Variants in APBB2 observed in about 807,000 individuals in gnomAD.
APBB2 encodes amyloid beta precursor protein binding family B member 2, also known as Fe65-like 1.
APBB2 carries 38 observed loss-of-function variants against 82.5 expected under a neutral mutation model. The ratio of observed to expected loss-of-function variants is 0.46; its 90% CI spans 0.36 to 0.60. The LOEUF (loss-of-function observed/expected upper bound fraction) is 0.60, where lower values mean the gene tolerates loss of function less well. APBB2 is among the 20% of genes least tolerant of loss of function. The probability of loss-of-function intolerance (pLI) is 0.00; values close to 1 mark genes in which losing one functional copy is unlikely to be tolerated. For missense variants in APBB2, 772 were observed against 972.3 expected, an observed-to-expected ratio of 0.79 and a Z score of 2.74; for synonymous variants, 341 against 368.2, an observed-to-expected ratio of 0.93 and a Z score of 0.85.
rs193018422 is a variant in APBB2 at position 41,030,086 on chromosome 4, G to A, written c.19+3150C>T. On this transcript the variant is annotated intron_variant, in intron 5 of 17. Coordinates refer to ENST00000508593, the MANE Select transcript of APBB2 (RefSeq NM_004307.2). Reference sequence around the variant, plus strand: ...CAGGAGAATCACTTGAACCCGGGGGGCGAAGGTTGCAGTGAGCTGAGGTCG... The same window carrying A: ...CAGGAGAATCACTTGAACCCGGGGGACGAAGGTTGCAGTGAGCTGAGGTCG... Among the ~76,000 whole-genome samples, 266 of 152,282 alleles carry A rather than the reference G, an allele frequency of 1.7e-3. 1 individual carries two copies. The highest frequency in any genetic ancestry group is 6.1e-3 in the African/African-American group (252 of 41,568).
chr4:40,974,547 A>G (rs1201388870), intron 6 of APBB2, among the ~76,000 whole-genome samples: 4 of 151,868 alleles, frequency 2.6e-5, no homozygotes, highest in Non-Finnish European at 4.4e-5. Context: ...ACAGAGACTA[A>G]AAGAACAGAA....
At chr4:41,137,150 C>G (rs73810836) in intron 2 of APBB2, among the ~76,000 whole-genome samples, 1 of 151,988 alleles carries the variant, frequency 6.6e-6, no homozygotes, top group African/African-American at 2.4e-5. Flanking sequence ...ACCAAACACA[C>G]GCAAGACATT....
At chr4:41,068,862 C>G (rs1220919971) in intron 3 of APBB2, among the ~76,000 whole-genome samples, 4 of 139,714 alleles carry the variant, frequency 2.9e-5, no homozygotes, top group Non-Finnish European at 1.5e-5. Context: ...GTGGCGTGAT[C>G]TCAGCTTACT....
At chr4:41,021,879 A>G (rs1421843297) in intron 5 of APBB2, among the ~76,000 whole-genome samples, 1 of 152,022 alleles carries the variant, frequency 6.6e-6, no homozygotes, top group Non-Finnish European at 1.5e-5. Context: ...AAAACCACGA[A>G]CCCACTGGCA....
chr4:40,854,809 A>G (rs1003115816), intron 12 of APBB2, among the ~76,000 whole-genome samples: 2 of 147,958 alleles, frequency 1.4e-5, no homozygotes, highest in Non-Finnish European at 1.5e-5. Flanking sequence ...AAAAAAAAAA[A>G]GAAGAAAGAA....
intron 13 of APBB2, among the ~76,000 whole-genome samples, chr4:40,829,040 G>T (rs530347842): frequency 2.0e-5 from 3 of 152,280 alleles, no homozygotes; most frequent in Non-Finnish European, 2.9e-5. Context: ...TCAACAGAGG[G>T]GATGGCAAAA....
intron 1 of APBB2, among the ~76,000 whole-genome samples, chr4:41,164,742 C>A (rs1411878223): frequency 6.6e-6 from 1 of 152,306 alleles, no homozygotes; most frequent in East Asian, 1.9e-4. Context: ...ATCACACTAG[C>A]TTTAACATAC....
chr4:40,889,057 AG>A (rs1428403458), intron 12 of APBB2, among the ~76,000 whole-genome samples: 4 of 152,250 alleles, frequency 2.6e-5, no homozygotes. Flanking sequence ...AGGGAATGAC[AG>A]GTGTGCGCAC....
Position 41,127,494 on chromosome 4 carries a change from C to T in APBB2, c.-261+15493G>A, listed in dbSNP as rs1754727956. On this transcript the variant is annotated intron_variant, in intron 2 of 17. Transcript: ENST00000508593. This position sits in a 1 kb window ranked among gnomAD's most constrained non-coding sequence, Gnocchi z 4.8. ...CCTACTGCTGTGTTAATCTAGACTA[C>T]CTGCTTCCAACATCAAACTGGGTTC... 6.6e-6 allele frequency among the ~76,000 whole-genome samples: 1 copy of T among 152,196 alleles called. No homozygotes were observed. Among genetic ancestry groups the T allele is most frequent in the South Asian group, 2.1e-4 (1 of 4,830 alleles).
At chr4:41,049,220 C>T (rs1290584679) in intron 4 of APBB2, among the ~76,000 whole-genome samples, 2 of 145,082 alleles carry the variant, frequency 1.4e-5, no homozygotes, top group Non-Finnish European at 1.5e-5. Context: ...ATGTGAGGAG[C>T]GCCTCTGCCC....
At chr4:41,065,873 G>C (rs1731604887) in intron 3 of APBB2, among the ~76,000 whole-genome samples, 200 bp from the exon 4 acceptor site, 2 of 151,918 alleles carry the variant, frequency 1.3e-5, no homozygotes, top group Non-Finnish European at 1.5e-5. Flanking sequence ...CTGATGATTA[G>C]CATGCAGGCC....
chr4:41,030,453 C>G (rs905859751), intron 5 of APBB2, among the ~76,000 whole-genome samples: 3 of 152,130 alleles, frequency 2.0e-5, no homozygotes, highest in Admixed American at 1.3e-4. Flanking sequence ...AGTGCATTCA[C>G]AGGCACAGTC....
Position 40,815,906 on chromosome 4 carries a change from T to G in APBB2, c.*186A>C, listed in dbSNP as rs1158474369. On this transcript the variant is annotated 3_prime_UTR_variant, in exon 18 of 18. Transcript: ENST00000508593. ...TTACAGCAAAAAAAATTATTCATGC[T>G]TCTTTTCATATCACATGATGGTGGC... The G allele has an allele frequency of 3.0e-6, 2 of 656,086 alleles. No homozygotes were observed. The highest frequency in any genetic ancestry group is 4.7e-5 in the South Asian group (2 of 42,330). The allele number at this position is 656,086 out of a possible 1,614,324, so 40.6% of individuals were successfully genotyped here.
intron 5 of APBB2, among the ~76,000 whole-genome samples, chr4:41,015,550 G>A (rs115343121): frequency 6.6e-6 from 1 of 152,274 alleles, no homozygotes; most frequent in Non-Finnish European, 1.5e-5. Flanking sequence ...GGAGCTTAGA[G>A]GTATCTCTCC....
At chr4:41,009,421 G>C (rs1275690753) in intron 6 of APBB2, among the ~76,000 whole-genome samples, 1 of 152,116 alleles carries the variant, frequency 6.6e-6, no homozygotes, top group Non-Finnish European at 1.5e-5. Flanking sequence ...GAAAAGGGCA[G>C]CCACATATTG....
chr4:41,115,954 C>T (rs753939902), intron 2 of APBB2, among the ~76,000 whole-genome samples: 1 of 152,178 alleles, frequency 6.6e-6, no homozygotes, highest in African/African-American at 2.4e-5. Context: ...ACCCAGCAAC[C>T]CCATTACTGG....
rs143814671 is a variant in APBB2 at position 40,870,796 on chromosome 4, G to A, written c.1529+19568C>T. On this transcript the variant is annotated intron_variant, in intron 12 of 17. Transcript: ENST00000508593. ...CACCCATGCTGGAGTGCAGTGGCAC[G>A]ATCCCGGCTCACTGCAAACTCCGCC... Among the ~76,000 whole-genome samples, 541 of 146,932 alleles carry A rather than the reference G, an allele frequency of 3.7e-3. 2 individuals carry two copies. Among genetic ancestry groups the A allele is most frequent in the Non-Finnish European group, 6.5e-3 (440 of 67,446 alleles).
intron 10 of APBB2, among the ~76,000 whole-genome samples, chr4:40,895,856 G>A (rs1578255249): frequency 6.6e-6 from 1 of 152,178 alleles, no homozygotes; most frequent in African/African-American, 2.4e-5. Context: ...TTGATACTAA[G>A]TTACTGTACC....
chr4:40,982,281 AGAAG>A lies in APBB2; in HGVS notation c.835+31298_835+31301del, dbSNP rs1177096577. On this transcript the variant is annotated intron_variant, in intron 6 of 17. Transcript: ENST00000508593. ...AAGAAAGAAAGAAAGAAAGAAAGAAAGAAGGAAGGAAGGAAGGAAGGAAGGAAAG... is the reference window on the plus strand; with the variant it reads ...AAGAAAGAAAGAAAGAAAGAAAGAAAGAAGGAAGGAAGGAAGGAAGGAAAG... Among the ~76,000 whole-genome samples, 9 of 17,470 alleles carry A rather than the reference AGAAG, an allele frequency of 5.2e-4. 2 individuals are homozygous for A. The highest frequency in any genetic ancestry group is 1.0e-3 in the Non-Finnish European group (9 of 8,848). 11.5% of individuals were successfully genotyped at this position (17,470 alleles called of 152,430 possible). A position where few individuals can be genotyped will look rare whatever the true frequency, so the allele number is the denominator to read the frequency against.
Sources: allele counts gnomAD v4.1 joint callset (sites outside exome capture counted in the v4.1 genomes callset), GRCh38; gene constraint gnomAD v4.1.1; non-coding constraint Gnocchi (gnomAD v3.1); transcripts MANE v1.5; gene names NCBI Gene and HGNC (gene_info 2026-07-23, HGNC 2026-07-21).